Variants in RC3H1 observed in about 807,000 individuals in gnomAD.
The protein encoded by RC3H1 is roquin-1.
A neutral mutation model predicts 138.2 loss-of-function variants in RC3H1; 50 were observed. The ratio of observed to expected loss-of-function variants is 0.36; its 90% CI spans 0.29 to 0.46. The LOEUF is 0.46. Ranked by LOEUF, RC3H1 falls within the 20% of genes least tolerant of loss-of-function variation. The pLI is 1.00. For synonymous variants in RC3H1, 462 were observed against 489.1 expected, an observed-to-expected ratio of 0.94 and a Z score of 0.73; for missense variants, 1,031 against 1,388.1, an observed-to-expected ratio of 0.74 and a Z score of 4.09.
intron 7 of RC3H1, among the ~76,000 whole-genome samples, chr1:173,974,768 A>G (rs1362751400): frequency 2.0e-5 from 3 of 152,138 alleles, no homozygotes; most frequent in Non-Finnish European, 4.4e-5. Context: ...AGTTGATAGA[A>G]AGCCACAGGA....
chr1:173,961,181 G>A lies in RC3H1; in HGVS notation c.2266C>T (p.Arg756Cys). 6.2e-7 allele frequency: 1 copy of A among 1,614,108 alleles called. No individual in the cohort carries two copies. The highest frequency in any genetic ancestry group is 8.5e-7 in the Non-Finnish European group (1 of 1,179,984). Reference protein sequence around the residue: ...QPHPSLDELHRRRKEIMAQLE... With the variant: ...QPHPSLDELHCRRKEIMAQLE... ...TGGGCCATTATTTCCTTTCGTCGGCGATGTAGTTCATCTAGACTAGGATGA... is the reference window on the plus strand; with the variant it reads ...TGGGCCATTATTTCCTTTCGTCGGCAATGTAGTTCATCTAGACTAGGATGA... The change falls in exon 13 of 20, where the codon CGC (arginine) becomes TGC (cysteine). Residue 756 changes from arginine (R) to cysteine (C), a missense_variant. By Grantham distance (180) the Arg-to-Cys change is radical. Coordinates refer to ENST00000367696, the MANE Select transcript of RC3H1 (RefSeq NM_172071.4).
At chr1:174,011,933 C>G (rs1661776230) in intron 1 of RC3H1, among the ~76,000 whole-genome samples, 1 of 152,100 alleles carries the variant, frequency 6.6e-6, no homozygotes. Context: ...TGGGTCACAG[C>G]CAGGCACGGT....
chr1:173,986,400 G>A (rs1368671761), intron 2 of RC3H1, among the ~76,000 whole-genome samples: 5 of 152,180 alleles, frequency 3.3e-5, no homozygotes, highest in Non-Finnish European at 2.9e-5. Flanking sequence ...CACTCAGGCT[G>A]GAGTGCCGTG....
chr1:173,973,392 C>T (rs1462207177), intron 7 of RC3H1, among the ~76,000 whole-genome samples: 2 of 151,996 alleles, frequency 1.3e-5, no homozygotes, highest in African/African-American at 4.8e-5. Context: ...AAAAATTACC[C>T]AGGCATGGTG....
At chr1:173,992,666 C>T in intron 2 of RC3H1, 89 bp downstream of exon 2, 4 of 969,944 alleles carry the variant, frequency 4.1e-6, no homozygotes, top group Admixed American at 2.5e-5. Flanking sequence ...GAAAAACACG[C>T]ACAACACACA....
At chr1:173,945,634 T>C (rs1659100131) in intron 17 of RC3H1, among the ~76,000 whole-genome samples, 1 of 152,136 alleles carries the variant, frequency 6.6e-6, no homozygotes, top group Non-Finnish European at 1.5e-5. Flanking sequence ...GATTTTTAAA[T>C]GGTACAGAAC....
chr1:174,013,869 A>G (rs1661813018), intron 1 of RC3H1, among the ~76,000 whole-genome samples: 1 of 152,188 alleles, frequency 6.6e-6, no homozygotes, highest in Admixed American at 6.5e-5. Flanking sequence ...GCCTGAGCCC[A>G]GGAGTTCAAG....
intron 14 of RC3H1, among the ~76,000 whole-genome samples, chr1:173,950,669 A>T (rs546055463): frequency 1.1e-3 from 160 of 152,142 alleles, no homozygotes; most frequent in South Asian, 2.5e-3. Flanking sequence ...GAAAAATGAG[A>T]CTTGGGGGAT....
rs990525899 is a variant in RC3H1, at chr1:174,022,076, G to A, written c.-151+20C>T. ...CCGCGGCAGCCCCGCTCCCCAAGTC[G>A]CCGCCCGCCGCTCGCTCACCGCGCT... On this transcript the variant is annotated intron_variant, in intron 1 of 19. Transcript: ENST00000367696. This position sits in a 1 kb window ranked among gnomAD's most constrained non-coding sequence, Gnocchi z 4.2. 1.3e-5 allele frequency: 5 copies of A among 396,310 alleles called. No individual in the cohort carries two copies. The highest frequency in any genetic ancestry group is 2.2e-5 in the Non-Finnish European group (5 of 225,254). 24.5% of individuals were successfully genotyped at this position (396,310 alleles called of 1,614,324 possible). A position where few individuals can be genotyped will look rare whatever the true frequency, so the allele number is the denominator to read the frequency against.
chr1:173,980,748 T>A, intron 6 of RC3H1, 61 bp downstream of exon 6: 1 of 1,283,984 alleles, frequency 7.8e-7, no homozygotes, highest in Non-Finnish European at 1.1e-6. Context: ...TATACATTTG[T>A]TAAATGAATT....
rs771203081 is a variant in RC3H1, at chr1:173,970,607, T to A, written c.1232A>T (p.His411Leu). 1.9e-6 allele frequency: 3 copies of A among 1,612,358 alleles called. No individual in the cohort carries two copies. In the South Asian group the frequency reaches 3.3e-5, roughly 18 times the overall value. ...ACACATGTATGTTTTGTATTTGCTA[T>A]GCTGTGGAGGCTAAAACCAAAATCA... ...KGADQQQPPQ[H>L]SKYKTYMCRD... Residue 411 changes from histidine to leucine, a missense_variant, in exon 9 of 20, where the codon CAT becomes CTT. By Grantham distance (99) the His-to-Leu change is moderately conservative (BLOSUM62 -3). Coordinates refer to ENST00000367696, the MANE Select transcript of RC3H1 (RefSeq NM_172071.4).
At chr1:173,941,961 A>G (rs1658887535) in intron 18 of RC3H1, among the ~76,000 whole-genome samples, 1 of 147,850 alleles carries the variant, frequency 6.8e-6, no homozygotes, top group Non-Finnish European at 1.5e-5. Context: ...AAAAAAGGCT[A>G]GGCATGGTGG....
At position 173,931,588 on chromosome 1, in the gene RC3H1, T is replaced by G. The variant is rs1364913495; in HGVS notation, c.*7133A>C. On this transcript the variant is annotated 3_prime_UTR_variant, in exon 20 of 20. Transcript: ENST00000367696. ...ATCTTCCTACTACTATTTCTTTTTT[T>G]CCACCACACTTGTTTTGAAAGCTGC... The G allele has an allele frequency of 6.6e-6, 1 of 152,162 alleles. No homozygotes were observed. Among genetic ancestry groups the G allele is most frequent in the Non-Finnish European group, 1.5e-5 (1 of 68,018 alleles). 9.4% of individuals were successfully genotyped at this position (152,162 alleles called of 1,614,324 possible). A position where few individuals can be genotyped will look rare whatever the true frequency, so the allele number is the denominator to read the frequency against.
At chr1:173,975,684 G>A (rs1660545834) in intron 7 of RC3H1, among the ~76,000 whole-genome samples, 1 of 60,454 alleles carries the variant, frequency 1.7e-5, no homozygotes, top group South Asian at 4.8e-4. Context: ...GGATCACGAG[G>A]TCAGGAGATC....
chr1:173,942,865 A>G (rs1658959107), intron 18 of RC3H1, among the ~76,000 whole-genome samples: 1 of 152,142 alleles, frequency 6.6e-6, no homozygotes, highest in Admixed American at 6.5e-5. Flanking sequence ...AGCAACAAAA[A>G]AAATCATATC....
rs377075913 is a variant in RC3H1 at position 174,015,249 on chromosome 1, C to A, written c.-151+6847G>T. ...ATTAATTTTTCTGATAATTATAGGC[C>A]TTTTTTTTTTTTTTGGCCTACTTCT... On this transcript the variant is annotated intron_variant, in intron 1 of 19. Coordinates refer to ENST00000367696, the MANE Select transcript of RC3H1 (RefSeq NM_172071.4). 2.1e-5 allele frequency among the ~76,000 whole-genome samples: 3 copies of A among 139,928 alleles called. No individual in the cohort carries two copies. In the Admixed American group the frequency reaches 2.2e-4, roughly 10 times the overall value. The allele number at this position is 139,928 out of a possible 152,430, so 91.8% of individuals were successfully genotyped here.
rs1428651473 is a variant in RC3H1, at chr1:173,931,160, A to T, written c.*7561T>A. ...CCCCTCCATTAAAAACGTGTAAGAA[A>T]GTAATCTCAAGATTAGAATAAGATG... On this transcript the variant is annotated 3_prime_UTR_variant, in exon 20 of 20. Coordinates refer to ENST00000367696, the MANE Select transcript of RC3H1 (RefSeq NM_172071.4). 1.3e-4 allele frequency: 20 copies of T among 152,246 alleles called. No homozygotes were observed. The highest frequency in any genetic ancestry group is 1.3e-3 in the Admixed American group (20 of 15,284). 9.4% of individuals were successfully genotyped at this position (152,246 alleles called of 1,614,324 possible).
Position 173,946,401 on chromosome 1 carries a change from T to C in RC3H1, c.2961+75A>G, listed in dbSNP as rs557989875. On this transcript the variant is annotated intron_variant, in intron 17 of 19. Coordinates refer to ENST00000367696, the MANE Select transcript of RC3H1 (RefSeq NM_172071.4). ...AGACCTTAAAGTTTTTTGTTCACAG[T>C]GCCTCAAAAGTTCCTATTTAAAATC... 3.0e-5 allele frequency: 42 copies of C among 1,413,802 alleles called. No homozygotes were observed. The Admixed American group carries it at 9.0e-4, about 30-fold the overall frequency. The allele number at this position is 1,413,802 out of a possible 1,614,324, so 87.6% of individuals were successfully genotyped here.
In RC3H1 at chr1:173,935,709, A is replaced by C. The variant is rs749762260; in HGVS notation, c.*3012T>G. ...CTCATGATATCACAGAGAAAAGGAA[A>C]AGGAAAAAAAGCAAAAAACAAAAAA... On this transcript the variant is annotated 3_prime_UTR_variant, in exon 20 of 20. Coordinates refer to ENST00000367696, the MANE Select transcript of RC3H1 (RefSeq NM_172071.4). 12 of 152,212 alleles carry C rather than the reference A, an allele frequency of 7.9e-5. No individual in the cohort carries two copies. Among genetic ancestry groups the C allele is most frequent in the Non-Finnish European group, 7.3e-5 (5 of 68,038 alleles). The allele number at this position is 152,212 out of a possible 1,614,324, so 9.4% of individuals were successfully genotyped here.
Sources: allele counts gnomAD v4.1 joint callset (sites outside exome capture counted in the v4.1 genomes callset), GRCh38; gene constraint gnomAD v4.1.1; non-coding constraint Gnocchi (gnomAD v3.1); transcripts MANE v1.5; gene names NCBI Gene and HGNC (gene_info 2026-07-23, HGNC 2026-07-21).